Variants in DDX60 observed in about 807,000 individuals in gnomAD.
DDX60 encodes the protein DExD/H-box helicase 60.
Under a neutral mutation model 212.8 loss-of-function variants are expected in DDX60, and 165 were observed. The observed-to-expected ratio is 0.78, with a 90% CI of 0.68 to 0.88. The LOEUF (loss-of-function observed/expected upper bound fraction) is 0.88, where lower values mean the gene tolerates loss of function less well. Among genes scored for constraint, DDX60 ranks in the 40% least tolerant of loss-of-function variants. The pLI, the probability that DDX60 is intolerant of heterozygous loss-of-function variation, is 0.00. For synonymous variants in DDX60, 703 were observed against 685.3 expected, an observed-to-expected ratio of 1.03 and a Z score of -0.40; for missense variants, 1,905 against 2,003.9, an observed-to-expected ratio of 0.95 and a Z score of 0.94.
rs1735653307 is a variant in DDX60, at chr4:168,282,851, G to A, written c.1722+595C>T. ...ATAAACTATTAGTATTATTATTCCAGAAATAGATTGGAACTTTCCTTATTT... is the reference window on the plus strand; with the variant it reads ...ATAAACTATTAGTATTATTATTCCAAAAATAGATTGGAACTTTCCTTATTT... On this transcript the variant is annotated intron_variant, in intron 13 of 37. Transcript: ENST00000393743. Among the ~76,000 whole-genome samples the A allele has an allele frequency of 4.6e-5, 7 of 152,180 alleles. No individual in the cohort carries two copies. In the South Asian group the frequency reaches 1.2e-3, roughly 27 times the overall value.
intron 25 of DDX60, among the ~76,000 whole-genome samples, chr4:168,256,986 T>C (rs1734437069): frequency 6.6e-6 from 1 of 152,232 alleles, no homozygotes; most frequent in South Asian, 2.1e-4. Context: ...TGGCAAGAAA[T>C]TTCATATAGT....
chr4:168,309,505 CT>C (rs35763559), intron 3 of DDX60, among the ~76,000 whole-genome samples: 5,963 of 151,112 alleles, frequency 0.039, 161 homozygotes, highest in Non-Finnish European at 0.059. Context: ...TTGTGAAAGG[CT>C]TTTTTTTTAA....
chr4:168,222,745 T>C (rs979884628), intron 35 of DDX60, among the ~76,000 whole-genome samples: 2 of 152,088 alleles, frequency 1.3e-5, no homozygotes, highest in East Asian at 3.8e-4. Flanking sequence ...ATTCTTATTC[T>C]ATATGACTCA....
At chr4:168,240,583 C>T (rs1733803951) in intron 30 of DDX60, among the ~76,000 whole-genome samples, 1 of 152,092 alleles carries the variant, frequency 6.6e-6, no homozygotes. Context: ...TAACACAAGG[C>T]TACAGTAACC....
chr4:168,254,916 A>G (rs890424863), intron 26 of DDX60, among the ~76,000 whole-genome samples: 1 of 152,194 alleles, frequency 6.6e-6, no homozygotes, highest in African/African-American at 2.4e-5. Context: ...TAAGGCAAAT[A>G]CCAAAACATT....
At chr4:168,229,217 C>T (rs1733362209) in intron 33 of DDX60, among the ~76,000 whole-genome samples, 1 of 152,066 alleles carries the variant, frequency 6.6e-6, no homozygotes. Context: ...GGGGGAACAT[C>T]CACCCCTTAA....
At chr4:168,260,438 A>C (rs552414462) in intron 25 of DDX60, among the ~76,000 whole-genome samples, 2 of 152,268 alleles carry the variant, frequency 1.3e-5, no homozygotes, top group South Asian at 4.1e-4. Flanking sequence ...TACGATAGGG[A>C]ACTTTGTATA....
At chr4:168,257,480 T>C (rs1199046554) in intron 25 of DDX60, among the ~76,000 whole-genome samples, 2 of 152,232 alleles carry the variant, frequency 1.3e-5, no homozygotes, top group African/African-American at 2.4e-5. Flanking sequence ...GCCCACAGTT[T>C]ATATGTGGCA....
chr4:168,224,590 T>C (rs1262598626), intron 34 of DDX60, among the ~76,000 whole-genome samples: 1 of 152,084 alleles, frequency 6.6e-6, no homozygotes, highest in Non-Finnish European at 1.5e-5. Flanking sequence ...TTAATGTTAG[T>C]ATCACTATTA....
intron 3 of DDX60, 143 bp from the exon 4 acceptor site, chr4:168,308,338 T>G (rs1314649457): frequency 2.1e-5 from 12 of 579,474 alleles, no homozygotes; most frequent in Non-Finnish European, 3.6e-5. Context: ...CACTAAGGCT[T>G]TTCAAACATA....
Position 168,278,166 on chromosome 4 carries a change from G to C in DDX60, c.1979-1985C>G, listed in dbSNP as rs142476984. Among the ~76,000 whole-genome samples, 859 of 152,294 alleles carry C rather than the reference G, an allele frequency of 5.6e-3. 8 individuals carry two copies. The highest frequency in any genetic ancestry group is 0.02 in the African/African-American group (815 of 41,558). On this transcript the variant is annotated intron_variant, in intron 14 of 37. Transcript: ENST00000393743. ...GCTTTCTTTAAGTGAAAACATGAAA[G>C]TTCTTGACTTAATAAGTGAAGAAAA...
intron 30 of DDX60, among the ~76,000 whole-genome samples, chr4:168,241,385 C>G (rs1429911501): frequency 1.3e-5 from 2 of 152,084 alleles, no homozygotes; most frequent in Admixed American, 6.6e-5. Flanking sequence ...CAGAAGCAGA[C>G]AGGAACATGT....
chr4:168,307,429 C>A (rs1472919293), intron 4 of DDX60, among the ~76,000 whole-genome samples: 1 of 152,018 alleles, frequency 6.6e-6, no homozygotes, highest in African/African-American at 2.4e-5. Flanking sequence ...ATACCTCAAA[C>A]AAACCATCAT....
At chr4:168,323,609 A>G (rs537002594), upstream of DDX60, among the ~76,000 whole-genome samples, 1 of 152,330 alleles carries the variant, frequency 6.6e-6, no homozygotes, top group East Asian at 1.9e-4. Context: ...TAATGTCTAG[A>G]ACTCCAAAGG....
rs200360963 is a variant in DDX60, at chr4:168,276,111, G to A, written c.2049C>T (p.Tyr683=). The A allele has an allele frequency of 3.8e-5, 61 of 1,613,552 alleles. No individual in the cohort carries two copies. The East Asian group carries it at 1.3e-3, about 35-fold the overall frequency. The change falls in exon 15 of 38, where the codon TAC becomes TAT. Residue 683 remains tyrosine (Y), a synonymous_variant. Transcript: ENST00000393743. ...MKRIHSLMEK[Y]SELLQEDDRQ... is the part of the protein sequence containing the mutation. ...GATCATCTTCTTGTAAAAGTTCTGA[G>A]TATTTTTCCATCAAGGAGTGGATCC...
At chr4:168,237,455 T>G (rs988123029) in intron 31 of DDX60, 28 bp from the exon 32 acceptor site, 2 of 1,532,908 alleles carry the variant, frequency 1.3e-6, no homozygotes, top group African/African-American at 2.8e-5. Flanking sequence ...ATTTATTAGT[T>G]TGACTCAAGT....
intron 22 of DDX60, chr4:168,263,430 C>T (rs1281249435): frequency 1.3e-5 from 2 of 152,180 alleles, no homozygotes; most frequent in Non-Finnish European, 2.9e-5. Context: ...TGGTTTCAAT[C>T]ACTACTGCTA....
chr4:168,237,261 T>G, intron 32 of DDX60, 25 bp downstream of exon 32: 1 of 1,471,010 alleles, frequency 6.8e-7, no homozygotes, highest in Non-Finnish European at 9.0e-7. Context: ...TCTCTCTACA[T>G]ATATATATAA....
At chr4:168,325,023 T>C in the DDX60 span, among the ~76,000 whole-genome samples, 38 of 152,316 alleles carry the variant, frequency 2.5e-4, no homozygotes, top group African/African-American at 8.2e-4. Flanking sequence ...GTTAGTGAAA[T>C]CTATTATAGC....
Sources: allele counts gnomAD v4.1 joint callset (sites outside exome capture counted in the v4.1 genomes callset), GRCh38; gene constraint gnomAD v4.1.1; transcripts MANE v1.5; gene names NCBI Gene and HGNC (gene_info 2026-07-23, HGNC 2026-07-21).